MACF1: variants seen among roughly 807,000 people sequenced by gnomAD.
The protein encoded by MACF1 is microtubule-actin cross-linking factor 1.
A neutral mutation model predicts 854.8 loss-of-function variants in MACF1; 193 were observed. The observed-to-expected ratio is 0.23, with a 90% CI of 0.20 to 0.25. MACF1 has a LOEUF of 0.25. Ranked by LOEUF, MACF1 falls within the 10% of genes least tolerant of loss-of-function variation. MACF1 has a pLI of 1.00. For missense variants in MACF1, 7,722 were observed against 8,929.1 expected, an observed-to-expected ratio of 0.86 and a Z score of 5.45; for synonymous variants, 3,185 against 3,226.7, an observed-to-expected ratio of 0.99 and a Z score of 0.44.
chr1:39,248,328 G>A (rs898995064), intron 2 of MACF1, among the ~76,000 whole-genome samples: 1 of 151,480 alleles, frequency 6.6e-6, no homozygotes, highest in Non-Finnish European at 1.5e-5. Flanking sequence ...TTTCAGACAG[G>A]GTTAAAAAAG....
chr1:39,428,642 G>A (rs1643801063), intron 63 of MACF1, among the ~76,000 whole-genome samples: 1 of 152,204 alleles, frequency 6.6e-6, no homozygotes, highest in African/African-American at 2.4e-5. Flanking sequence ...ATCTATCTGT[G>A]TAGTGCCCAG....
At chr1:39,141,861 G>T (rs1643353126) in intron 2 of MACF1, among the ~76,000 whole-genome samples, 1 of 152,124 alleles carries the variant, frequency 6.6e-6, no homozygotes, top group Admixed American at 6.5e-5. Flanking sequence ...AGAAGATAAT[G>T]GAAAGTTATA....
chr1:39,182,197 T>G (rs1644114116), intron 2 of MACF1, among the ~76,000 whole-genome samples: 1 of 145,508 alleles, frequency 6.9e-6, no homozygotes, highest in Admixed American at 6.8e-5. Flanking sequence ...ACACAACATA[T>G]AAAACTTAAC....
intron 6 of MACF1, chr1:39,268,877 G>C (rs1009842100): frequency 7.8e-7 from 1 of 1,289,536 alleles, no homozygotes; most frequent in African/African-American, 1.5e-5. Context: ...TCATTGAAGA[G>C]ACTGAAACCC....
chr1:39,245,335 G>T (rs1644970885), intron 2 of MACF1, among the ~76,000 whole-genome samples: 1 of 152,028 alleles, frequency 6.6e-6, no homozygotes, highest in Non-Finnish European at 1.5e-5. Flanking sequence ...TGTCACCCAG[G>T]CTGGAATGCA....
intron 56 of MACF1, 124 bp from the exon 57 acceptor site, chr1:39,385,310 C>A: frequency 9.7e-7 from 1 of 1,026,206 alleles, no homozygotes; most frequent in Non-Finnish European, 1.4e-6. Context: ...TCAAGTGATC[C>A]TCCCACCTCG....
chr1:39,405,702 CA>C (rs1443587857), intron 58 of MACF1, among the ~76,000 whole-genome samples: 1 of 152,198 alleles, frequency 6.6e-6, no homozygotes, highest in Non-Finnish European at 1.5e-5. Context: ...TTGGGAATTT[CA>C]AAATGAGTAG....
chr1:39,309,524 G>T, intron 23 of MACF1, 46 bp from the exon 24 acceptor site: 1 of 1,610,728 alleles, frequency 6.2e-7, no homozygotes, highest in Non-Finnish European at 8.5e-7. Flanking sequence ...CTAATGTGGA[G>T]CTGAAGTCTT....
intron 40 of MACF1, among the ~76,000 whole-genome samples, chr1:39,341,620 C>T (rs1489314531): frequency 6.6e-6 from 1 of 151,746 alleles, no homozygotes; most frequent in African/African-American, 2.4e-5. Context: ...ATCGCTTGAA[C>T]CCAGGAAGCA....
At chr1:39,308,998 A>G (rs948690437) in intron 23 of MACF1, among the ~76,000 whole-genome samples, 13 of 152,132 alleles carry the variant, frequency 8.5e-5, no homozygotes, top group Admixed American at 7.2e-4. Context: ...TAATTTCTCA[A>G]CATTTTAGCA....
At position 39,441,220 on chromosome 1, in the gene MACF1, C is replaced by G; in HGVS notation, c.18571-4C>G. 1 of 1,613,766 alleles carries G rather than the reference C, an allele frequency of 6.2e-7. No individual in the cohort carries two copies. Among genetic ancestry groups the G allele is most frequent in the Non-Finnish European group, 8.5e-7 (1 of 1,179,750 alleles). On this transcript the variant is annotated splice_region_variant and splice_polypyrimidine_tract_variant and intron_variant, in intron 73 of 100. Transcript: ENST00000564288. ...AAGAATCTGATTGAATGTTTTTCCC[C>G]TAGATGAATAATGCTTGGGAGAACT... is the stretch of plus-strand genomic sequence containing the variant.
chr1:39,451,692 C>T (rs1421687449), intron 85 of MACF1, among the ~76,000 whole-genome samples: 2 of 152,114 alleles, frequency 1.3e-5, no homozygotes, highest in Admixed American at 6.5e-5. Context: ...GAAATTACAA[C>T]AGATTCTTAT....
At chr1:39,338,377 A>G (rs1646864639) in intron 38 of MACF1, among the ~76,000 whole-genome samples, 1 of 152,152 alleles carries the variant, frequency 6.6e-6, no homozygotes, top group African/African-American at 2.4e-5. Flanking sequence ...AAGCTAGAGT[A>G]AACCAGATCC....
At chr1:39,349,401 T>A in intron 41 of MACF1, 77 bp from the exon 42 acceptor site, 2 of 1,447,980 alleles carry the variant, frequency 1.4e-6, no homozygotes, top group Non-Finnish European at 1.9e-6. Flanking sequence ...CCTTCCTGTT[T>A]TACATTTCAG....
intron 2 of MACF1, among the ~76,000 whole-genome samples, chr1:39,177,874 C>T (rs1644051671): frequency 6.6e-6 from 1 of 152,048 alleles, no homozygotes; most frequent in African/African-American, 2.4e-5. Flanking sequence ...ATGCTGAAAT[C>T]CTGTAGCTAT....
intron 23 of MACF1, chr1:39,304,348 G>C: frequency 1.2e-6 from 1 of 803,688 alleles, no homozygotes; most frequent in Non-Finnish European, 2.1e-6. Context: ...AATAATCCTT[G>C]TCATCTAGAA....
At chr1:39,145,703 T>C (rs1643448316) in intron 2 of MACF1, among the ~76,000 whole-genome samples, 1 of 152,212 alleles carries the variant, frequency 6.6e-6, no homozygotes, top group African/African-American at 2.4e-5. Context: ...TCACAGCATC[T>C]GACACCATTT....
In MACF1 at chr1:39,360,888, G is replaced by A. The variant is rs1648130612; in HGVS notation, c.12340G>A (p.Glu4114Lys). 1.2e-6 allele frequency: 2 copies of A among 1,613,974 alleles called. No individual in the cohort carries two copies. The highest frequency in any genetic ancestry group is 3.3e-5 in the Admixed American group (2 of 60,006). The stretch of plus-strand genomic sequence containing the variant: ...AATTGCCCAATCTCAGAGTGTCCAG[G>A]AAAGCCTGGAGAGCCTGTTGCAGTC... The part of the protein sequence containing the change: ...KAIAQSQSVQ[E>K]SLESLLQSIG... Residue 4114 changes from glutamate (E) to lysine (K), a missense_variant, in exon 48 of 101, where the codon GAA (glutamate) becomes AAA (lysine). Glu to Lys is a moderately conservative substitution (Grantham distance 56, BLOSUM62 1). This residue lies in a region of MACF1 where 2,807 missense variants were observed against 3,235.8 expected (regional missense o/e 0.87). Transcript: ENST00000564288.
intron 2 of MACF1, among the ~76,000 whole-genome samples, chr1:39,172,807 G>A (rs778312159): frequency 3.9e-5 from 6 of 152,206 alleles, no homozygotes; most frequent in Non-Finnish European, 5.9e-5. Flanking sequence ...TTATAGTAAC[G>A]TTACTGTGTT....
Sources: allele counts gnomAD v4.1 joint callset (sites outside exome capture counted in the v4.1 genomes callset), GRCh38; gene constraint gnomAD v4.1.1; regional missense constraint gnomAD v4.1.1; transcripts MANE v1.5; gene names NCBI Gene and HGNC (gene_info 2026-07-23, HGNC 2026-07-21).